The following GFOD1 variants were observed in gnomAD, a reference collection of about 807,000 sequenced individuals.
GFOD1 encodes the protein Gfo/Idh/MocA-like oxidoreductase domain containing 1, also known as glucose-fructose oxidoreductase domain-containing protein 1.
Under a neutral mutation model 25.4 loss-of-function variants are expected in GFOD1, and 9 were observed. That is an observed-to-expected ratio of 0.35 (90% CI 0.21 to 0.62). The LOEUF (loss-of-function observed/expected upper bound fraction) is 0.62. Ranked by LOEUF, GFOD1 falls within the 20% of genes least tolerant of loss-of-function variation. The pLI, the probability that GFOD1 is intolerant of heterozygous loss-of-function variation, is 0.72. For missense variants in GFOD1, 403 were observed against 556.9 expected (o/e 0.72, Z 2.78); for synonymous variants, 253 against 245.6 (o/e 1.03, Z -0.28).
intron 1 of GFOD1, among the ~76,000 whole-genome samples, chr6:13,414,346 G>T (rs1300286238): frequency 6.6e-6 from 1 of 152,256 alleles, no homozygotes; most frequent in Non-Finnish European, 1.5e-5. Flanking sequence ...GTCTGTGAGT[G>T]CCGGAAGCAC....
intron 1 of GFOD1, 185 bp downstream of exon 1, chr6:13,486,453 G>T: frequency 1.6e-6 from 1 of 630,334 alleles, no homozygotes; most frequent in Non-Finnish European, 2.7e-6. Context: ...GAAGCGCAAA[G>T]GTGGGGAAGG....
chr6:13,416,019 T>G (rs989999748), intron 1 of GFOD1, among the ~76,000 whole-genome samples: 13 of 152,188 alleles, frequency 8.5e-5, no homozygotes, highest in African/African-American at 2.9e-4. Context: ...ATGTGTCACT[T>G]CCCTGGTGGG....
chr6:13,431,136 G>T, intron 1 of GFOD1, among the ~76,000 whole-genome samples: 1 of 152,206 alleles, frequency 6.6e-6, no homozygotes, highest in East Asian at 1.9e-4. Flanking sequence ...ATGAGTTGGA[G>T]AAGGGAAACT....
In GFOD1 at chr6:13,365,271, G is replaced by A; in HGVS notation, c.645C>T (p.Ile215=). ...QTDHIKGIRQ[I]TSDDFCTFQM... ...GGAAGGTGCAGAAGTCATCGCTGGT[G>A]ATCTGTCGGATGCCCTTGATGTGGT... Residue 215 remains isoleucine (I), a synonymous_variant, in exon 2 of 2, where the codon ATC becomes ATT. Coordinates refer to ENST00000379287, the MANE Select transcript of GFOD1 (RefSeq NM_018988.4). The surrounding 1 kb of genome is among the most constrained non-coding windows in gnomAD (Gnocchi z 9.2). The A allele has an allele frequency of 6.2e-7, 1 of 1,614,216 alleles. No homozygotes were observed. Among genetic ancestry groups the A allele is most frequent in the Non-Finnish European group, 8.5e-7 (1 of 1,180,032 alleles).
At chr6:13,457,423 T>C (rs894847531) in intron 1 of GFOD1, among the ~76,000 whole-genome samples, 101 of 152,242 alleles carry the variant, frequency 6.6e-4, no homozygotes, top group African/African-American at 2.2e-3. Context: ...GAGCACCCAA[T>C]ATTCCGGGGC....
At chr6:13,471,660 T>C (rs1758507920) in intron 1 of GFOD1, among the ~76,000 whole-genome samples, 1 of 152,174 alleles carries the variant, frequency 6.6e-6, no homozygotes. Context: ...TAGCCCAAGG[T>C]GGAGACTATC....
chr6:13,439,038 G>GACT (rs761393436), intron 1 of GFOD1, among the ~76,000 whole-genome samples: 145,006 of 152,122 alleles, frequency 0.95, 69,508 homozygotes, highest in Middle Eastern at 1. Context: ...ATTATTTCAT[G>GACT]TCTAGAAACA....
intron 1 of GFOD1, among the ~76,000 whole-genome samples, chr6:13,478,418 C>T (rs1364379003): frequency 2.6e-5 from 4 of 152,196 alleles, no homozygotes; most frequent in South Asian, 2.1e-4. Context: ...GGATTACAGG[C>T]GTGGCCATCA....
chr6:13,400,612 G>A (rs763965801), intron 1 of GFOD1, among the ~76,000 whole-genome samples: 15 of 152,316 alleles, frequency 9.8e-5, no homozygotes, highest in East Asian at 5.8e-4. Flanking sequence ...CACACATTTC[G>A]TCAGAATGAA....
intron 1 of GFOD1, among the ~76,000 whole-genome samples, chr6:13,425,271 T>C (rs1562215128): frequency 1.3e-5 from 2 of 152,192 alleles, no homozygotes. Flanking sequence ...AACACATTTA[T>C]TTCTTACCAC....
At chr6:13,417,730 G>C (rs541249208) in intron 1 of GFOD1, among the ~76,000 whole-genome samples, 3 of 152,196 alleles carry the variant, frequency 2.0e-5, no homozygotes, top group African/African-American at 7.2e-5. Context: ...ATGGCTTCTC[G>C]TAAGTGCAGC....
At position 13,360,485 on chromosome 6, in the gene GFOD1, T is replaced by C; in HGVS notation, c.*4258A>G. 2.9e-6 allele frequency: 1 copy of C among 347,330 alleles called. No homozygotes were observed. Among genetic ancestry groups the C allele is most frequent in the Non-Finnish European group, 5.7e-6 (1 of 175,092 alleles). The allele number at this position is 347,330 out of a possible 1,614,324, so 21.5% of individuals were successfully genotyped here. Reference sequence around the variant, plus strand: ...AAGCCCCACTCCCTGAGAAAGGACATTTTCCTACGTTATATTCAGACCCCC... The same window carrying C: ...AAGCCCCACTCCCTGAGAAAGGACACTTTCCTACGTTATATTCAGACCCCC... On this transcript the variant is annotated 3_prime_UTR_variant, in exon 2 of 2. Coordinates refer to ENST00000379287, the MANE Select transcript of GFOD1 (RefSeq NM_018988.4).
At chr6:13,432,228 C>CT (rs537723348) in intron 1 of GFOD1, among the ~76,000 whole-genome samples, 1,757 of 141,354 alleles carry the variant, frequency 0.012, 19 homozygotes, top group African/African-American at 0.032. Flanking sequence ...CTTTTCTTTT[C>CT]TTTTTTTTTT....
intron 1 of GFOD1, among the ~76,000 whole-genome samples, chr6:13,464,051 G>T (rs987329553): frequency 6.6e-6 from 1 of 152,108 alleles, no homozygotes. Flanking sequence ...GTAAGTCAGG[G>T]TCAGAAAAAG....
At chr6:13,422,949 T>C (rs921064585) in intron 1 of GFOD1, among the ~76,000 whole-genome samples, 7 of 152,192 alleles carry the variant, frequency 4.6e-5, no homozygotes, top group African/African-American at 1.7e-4. Context: ...AAACCCAGCT[T>C]GCGTTAATTG....
At chr6:13,438,067 T>C (rs1276606676) in intron 1 of GFOD1, among the ~76,000 whole-genome samples, 1 of 152,246 alleles carries the variant, frequency 6.6e-6, no homozygotes, top group African/African-American at 2.4e-5. Flanking sequence ...GGATGAGGCA[T>C]ATAAATGCCA....
chr6:13,361,636 A>C lies in GFOD1; in HGVS notation c.*3107T>G, dbSNP rs1245162396. The C allele has an allele frequency of 6.6e-6, 1 of 152,200 alleles. No homozygotes were observed. The highest frequency in any genetic ancestry group is 1.9e-4 in the East Asian group (1 of 5,198). 9.4% of individuals were successfully genotyped at this position (152,200 alleles called of 1,614,324 possible). On this transcript the variant is annotated 3_prime_UTR_variant, in exon 2 of 2. Coordinates refer to ENST00000379287, the MANE Select transcript of GFOD1 (RefSeq NM_018988.4). ...TAGCTACCCCAAATCAAGTCTTTGCATGTGGTGGGATAAGGGCAAATGGAG... is the reference window on the plus strand; with the variant it reads ...TAGCTACCCCAAATCAAGTCTTTGCCTGTGGTGGGATAAGGGCAAATGGAG...
At chr6:13,416,276 C>CA (rs1344189245) in intron 1 of GFOD1, among the ~76,000 whole-genome samples, 1 of 152,196 alleles carries the variant, frequency 6.6e-6, no homozygotes, top group East Asian at 1.9e-4. Context: ...TATAAATTGT[C>CA]CAGTCTCAAG....
At chr6:13,469,876 C>G in intron 1 of GFOD1, 2 of 1,235,326 alleles carry the variant, frequency 1.6e-6, no homozygotes, top group South Asian at 2.5e-5. Flanking sequence ...CGTACTATGT[C>G]TCACACCAAA....
Sources: gnomAD v4.1 joint callset for allele counts (sites outside exome capture counted in the v4.1 genomes callset) on GRCh38, gnomAD v4.1.1 for gene constraint, Gnocchi (gnomAD v3.1) non-coding constraint, MANE v1.5 for transcripts, NCBI Gene and HGNC (gene_info 2026-07-23, HGNC 2026-07-21) for gene names.